The following AP5M1 variants were observed in gnomAD, a reference collection of about 807,000 sequenced individuals.
The protein encoded by AP5M1 is AP-5 complex subunit mu-1.
AP5M1 carries 44 observed loss-of-function variants against 52.3 expected under a neutral mutation model. The observed-to-expected ratio is 0.84, with a 90% confidence interval of 0.66 to 1.08. The LOEUF (loss-of-function observed/expected upper bound fraction) is 1.08. Ranked by LOEUF, AP5M1 falls within the 50% of genes least tolerant of loss-of-function variation. The pLI is 0.00. For missense variants in AP5M1, 526 were observed against 568.4 expected, an observed-to-expected ratio of 0.93 and a Z score of 0.76; for synonymous variants, 213 against 199.0, an observed-to-expected ratio of 1.07 and a Z score of -0.59.
In AP5M1 at chr14:57,295,975, A is replaced by T. The variant is rs1431814306; in HGVS notation, c.*7091A>T. On this transcript the variant is annotated 3_prime_UTR_variant, in exon 8 of 8. Coordinates refer to ENST00000261558, the MANE Select transcript of AP5M1 (RefSeq NM_018229.4). Reference sequence around the variant, plus strand: ...ACAGTTATTTTGAACTACCTCGTAAAGACTACATTGAGAATGAAAAAGCCA... The same window carrying T: ...ACAGTTATTTTGAACTACCTCGTAATGACTACATTGAGAATGAAAAAGCCA... The T allele has an allele frequency of 6.6e-6, 1 of 152,036 alleles. No individual in the cohort carries two copies. The highest frequency in any genetic ancestry group is 1.5e-5 in the Non-Finnish European group (1 of 67,962). 9.4% of individuals were successfully genotyped at this position (152,036 alleles called of 1,614,324 possible).
chr14:57,283,566 C>CAACA (rs1206304515), intron 6 of AP5M1, among the ~76,000 whole-genome samples: 1 of 152,164 alleles, frequency 6.6e-6, no homozygotes, highest in Admixed American at 6.5e-5. Flanking sequence ...GCAACCTGGA[C>CAACA]AACAGAGTGC....
intron 2 of AP5M1, among the ~76,000 whole-genome samples, chr14:57,276,574 T>TA (rs34187736): frequency 7.6e-5 from 11 of 145,630 alleles, no homozygotes; most frequent in East Asian, 2.0e-4. Flanking sequence ...TACTCTGTCT[T>TA]AAAAAAAAAG....
chr14:57,282,471 G>A (rs1018146266), intron 4 of AP5M1, among the ~76,000 whole-genome samples: 1 of 151,734 alleles, frequency 6.6e-6, no homozygotes, highest in Non-Finnish European at 1.5e-5. Flanking sequence ...GCTTCCTCAG[G>A]GATTATTTTT....
At chr14:57,280,104 T>C (rs932147113) in intron 2 of AP5M1, 91 bp from the exon 3 acceptor site, 1 of 890,434 alleles carries the variant, frequency 1.1e-6, no homozygotes, top group Non-Finnish European at 1.8e-6. Flanking sequence ...AGTGAGTTAA[T>C]TGGGGAAAAT....
In AP5M1 at chr14:57,269,336, C is replaced by T. The variant is rs1884816739; in HGVS notation, c.22C>T (p.Leu8Phe). The change falls in exon 1 of 8, where the codon CTC becomes TTC. Residue 8 changes from leucine (L) to phenylalanine (F), a missense_variant. Coordinates refer to ENST00000261558, the MANE Select transcript of AP5M1 (RefSeq NM_018229.4). MAQRAVW[L>F]ISHEPGTPLC... ...AACCATGGCGCAGCGGGCAGTGTGG[C>T]TCATAAGCCACGAACCGGGAACTCC... The T allele has an allele frequency of 6.2e-7, 1 of 1,614,152 alleles. No individual in the cohort carries two copies. Among genetic ancestry groups the T allele is most frequent in the Non-Finnish European group, 8.5e-7 (1 of 1,180,034 alleles).
chr14:57,280,970 G>A (rs1479838953), intron 3 of AP5M1, among the ~76,000 whole-genome samples: 1 of 151,918 alleles, frequency 6.6e-6, no homozygotes, highest in Non-Finnish European at 1.5e-5. Flanking sequence ...CTAAAAAGGA[G>A]TTCATGGTCA....
rs1885566146 is a variant in AP5M1, at chr14:57,296,949, A to C, written c.*8065A>C. 6.6e-6 allele frequency: 1 copy of C among 152,070 alleles called. No homozygotes were observed. Among genetic ancestry groups the C allele is most frequent in the South Asian group, 2.1e-4 (1 of 4,832 alleles). The allele number at this position is 152,070 out of a possible 1,614,324, so 9.4% of individuals were successfully genotyped here. On this transcript the variant is annotated 3_prime_UTR_variant, in exon 8 of 8. Transcript: ENST00000261558. ...GACTATTTCTGTATGTTATTAGTACAGAAACTGCCCAAAAAGGTGATGGTT... is the reference window on the plus strand; with the variant it reads ...GACTATTTCTGTATGTTATTAGTACCGAAACTGCCCAAAAAGGTGATGGTT...
chr14:57,283,097 A>G lies in AP5M1; in HGVS notation c.1175-15A>G, dbSNP rs750112810. 23 of 1,596,004 alleles carry G rather than the reference A, an allele frequency of 1.4e-5. No individual in the cohort carries two copies. The highest frequency in any genetic ancestry group is 2.0e-5 in the Non-Finnish European group (23 of 1,167,926). ...ACTTAATTTAGAATTGTTTATTGGT[A>G]TATTTGTGTTTTAGGCCAGAAGTTC... On this transcript the variant is annotated splice_polypyrimidine_tract_variant and intron_variant, in intron 5 of 7. Coordinates refer to ENST00000261558, the MANE Select transcript of AP5M1 (RefSeq NM_018229.4).
chr14:57,274,167 G>C (rs1884959868), intron 1 of AP5M1, 77 bp from the exon 2 acceptor site: 1 of 1,443,888 alleles, frequency 6.9e-7, no homozygotes, highest in Non-Finnish European at 9.3e-7. Context: ...CCTTATATTT[G>C]AGAGTTTTAA....
Position 57,283,024 on chromosome 14 carries a change from G to A in AP5M1, c.1174+5G>A. Reference sequence around the variant, plus strand: ...GCTTATTGATCTGGATTATTGGTGAGCAAGTTTTATTTATTGATTTTTTTT... The same window carrying A: ...GCTTATTGATCTGGATTATTGGTGAACAAGTTTTATTTATTGATTTTTTTT... On this transcript the variant is annotated splice_donor_5th_base_variant and intron_variant, in intron 5 of 7. Transcript: ENST00000261558. 1 of 1,589,444 alleles carries A rather than the reference G, an allele frequency of 6.3e-7. No homozygotes were observed. Among genetic ancestry groups the A allele is most frequent in the Non-Finnish European group, 8.6e-7 (1 of 1,166,842 alleles).
At position 57,298,674 on chromosome 14, in the gene AP5M1, G is replaced by A. The variant is rs1056645790; in HGVS notation, c.*9790G>A. On this transcript the variant is annotated 3_prime_UTR_variant, in exon 8 of 8. Transcript: ENST00000261558. ...CCCTTGGTTTTGAATGTTCAATTCT[G>A]TATTGCAGGAATGCCTACTCAGTTG... is the stretch of plus-strand genomic sequence containing the variant. 2 of 152,252 alleles carry A rather than the reference G, an allele frequency of 1.3e-5. No individual in the cohort carries two copies. Among genetic ancestry groups the A allele is most frequent in the South Asian group, 2.1e-4 (1 of 4,830 alleles). The allele number at this position is 152,252 out of a possible 1,614,324, so 9.4% of individuals were successfully genotyped here.
intron 2 of AP5M1, among the ~76,000 whole-genome samples, chr14:57,276,438 T>C (rs1214047230): frequency 6.6e-6 from 1 of 152,060 alleles, no homozygotes; most frequent in East Asian, 1.9e-4. Context: ...TAGCCAGGCA[T>C]GTTGGAGCAT....
chr14:57,270,054 C>A (rs1006883974), intron 1 of AP5M1, among the ~76,000 whole-genome samples: 1 of 152,184 alleles, frequency 6.6e-6, no homozygotes, highest in Non-Finnish European at 1.5e-5. Context: ...GTGATCCGCC[C>A]GCCTTGGCTC....
chr14:57,275,410 G>C (rs1885006041), intron 2 of AP5M1: 1 of 136,660 alleles, frequency 7.3e-6, no homozygotes, highest in East Asian at 2.3e-4. Flanking sequence ...GTGGGGGGGG[G>C]AGAGAGAGAG....
intron 3 of AP5M1, 32 bp downstream of exon 3, chr14:57,280,454 G>C: frequency 4.3e-6 from 6 of 1,381,148 alleles, no homozygotes; most frequent in Non-Finnish European, 6.2e-6. Context: ...AGAGTTTGCT[G>C]ATCTTTATAT....
Position 57,274,554 on chromosome 14 carries a change from TCACAAGG to T in AP5M1, c.387_393del (p.Gln130LeufsTer21), listed in dbSNP as rs746072655. The T allele has an allele frequency of 6.2e-7, 1 of 1,614,212 alleles. No individual in the cohort carries two copies. ...GCCACTAATTAGTGTCAGTGGAGTT[TCACAAGG>T]CTTTGAATTTCTTTTTGGGATACAG... is the stretch of plus-strand genomic sequence containing the variant. On this transcript the variant is annotated frameshift_variant, in exon 2 of 8. Transcript: ENST00000261558. LOFTEE classifies it high-confidence loss of function.
Position 57,274,485 on chromosome 14 carries a change from T to C in AP5M1, c.316T>C (p.Tyr106His), listed in dbSNP as rs781590517. Residue 106 changes from tyrosine (Y) to histidine (H), a missense_variant, in exon 2 of 8, where the codon TAT (tyrosine) becomes CAT (histidine). Coordinates refer to ENST00000261558, the MANE Select transcript of AP5M1 (RefSeq NM_018229.4). ...VVAFLKNDMIYACVPLVEQTL... is the reference protein window; with the variant it reads ...VVAFLKNDMIHACVPLVEQTL... ...TGCTTTTCTGAAGAATGACATGATA[T>C]ATGCTTGTGTTCCACTAGTTGAACA... 25 of 1,614,188 alleles carry C rather than the reference T, an allele frequency of 1.5e-5. No homozygotes were observed. The highest frequency in any genetic ancestry group is 1.9e-5 in the Non-Finnish European group (23 of 1,180,022).
At chr14:57,284,774 C>G (rs542619989) in intron 6 of AP5M1, among the ~76,000 whole-genome samples, 1 of 152,166 alleles carries the variant, frequency 6.6e-6, no homozygotes, top group South Asian at 2.1e-4. Context: ...TTCCAAATAT[C>G]TAGTCCAGGA....
At chr14:57,283,762 G>T (rs1000441974) in intron 6 of AP5M1, among the ~76,000 whole-genome samples, 1 of 152,152 alleles carries the variant, frequency 6.6e-6, no homozygotes, top group Non-Finnish European at 1.5e-5. Flanking sequence ...AAGGCAGGTG[G>T]ATCGCTTAAT....
Sources: allele counts gnomAD v4.1 joint callset (sites outside exome capture counted in the v4.1 genomes callset), GRCh38; gene constraint gnomAD v4.1.1; transcripts MANE v1.5; gene names NCBI Gene and HGNC (gene_info 2026-07-23, HGNC 2026-07-21).